The following PEPD variants were observed in gnomAD, a reference collection of about 807,000 sequenced individuals.
PEPD encodes the protein xaa-Pro dipeptidase.
PEPD carries 53 observed loss-of-function variants against 60.7 expected under a neutral mutation model. The observed-to-expected ratio is 0.87, with a 90% CI of 0.70 to 1.10. The LOEUF (loss-of-function observed/expected upper bound fraction) is 1.10. PEPD is among the 50% of genes least tolerant of loss of function. The pLI is 0.00. For missense variants in PEPD, 711 were observed against 711.9 expected, an observed-to-expected ratio of 1.00 and a Z score of 0.01; for synonymous variants, 267 against 284.1, an observed-to-expected ratio of 0.94 and a Z score of 0.60.
intron 11 of PEPD, among the ~76,000 whole-genome samples, chr19:33,406,033 C>T (rs184631828): frequency 3.9e-5 from 6 of 152,324 alleles, no homozygotes; most frequent in Admixed American, 2.6e-4. Context: ...TGAGGGGCCC[C>T]GGGTCCCAGA....
chr19:33,387,689 C>T (rs770270992), intron 14 of PEPD: 28 of 772,060 alleles, frequency 3.6e-5, no homozygotes, highest in Middle Eastern at 3.6e-4. Context: ...GCCCCTGGAG[C>T]GGGCAGGGGT....
chr19:33,397,993 C>A (rs1482701079), intron 12 of PEPD, among the ~76,000 whole-genome samples: 1 of 152,194 alleles, frequency 6.6e-6, no homozygotes, highest in African/African-American at 2.4e-5. Context: ...CAGGTCCTGC[C>A]CAGGCCGCAG....
At chr19:33,521,004 G>A (rs1463516598) in intron 1 of PEPD, among the ~76,000 whole-genome samples, 1 of 152,188 alleles carries the variant, frequency 6.6e-6, no homozygotes, top group Non-Finnish European at 1.5e-5. Flanking sequence ...CTCAACCTTT[G>A]TCCCTTACCC....
intron 13 of PEPD, chr19:33,388,301 C>A: frequency 1.4e-6 from 1 of 690,814 alleles, no homozygotes. Context: ...CCTGGCCACA[C>A]TACCCTAGGG....
At chr19:33,463,842 A>G in intron 8 of PEPD, 145 bp downstream of exon 8, 1 of 707,140 alleles carries the variant, frequency 1.4e-6, no homozygotes, top group Non-Finnish European at 2.6e-6. Context: ...AACAGAAAAG[A>G]GAACAATCAC....
chr19:33,387,230 G>T lies in PEPD; in HGVS notation c.*114C>A. The T allele has an allele frequency of 7.9e-7, 1 of 1,268,506 alleles. No homozygotes were observed. Among genetic ancestry groups the T allele is most frequent in the Non-Finnish European group, 1.1e-6 (1 of 886,214 alleles). The allele number at this position is 1,268,506 out of a possible 1,614,324, so 78.6% of individuals were successfully genotyped here. ...TTGGTCTGATCAAATGCCGAAGCTG[G>T]GATCTGATTCTGGGTGCCGTCTCTC... On this transcript the variant is annotated 3_prime_UTR_variant, in exon 15 of 15. Transcript: ENST00000244137.
chr19:33,419,730 G>A (rs1001120266), intron 9 of PEPD, among the ~76,000 whole-genome samples: 17 of 152,322 alleles, frequency 1.1e-4, no homozygotes, highest in African/African-American at 3.8e-4. Flanking sequence ...AACGCCTTCC[G>A]GAGCCCTGAC....
intron 6 of PEPD, among the ~76,000 whole-genome samples, chr19:33,488,821 G>A (rs967515429): frequency 1.3e-5 from 2 of 152,132 alleles, no homozygotes; most frequent in African/African-American, 4.8e-5. Flanking sequence ...ATTATAAGGC[G>A]GTTCCTCCAT....
chr19:33,481,258 A>C (rs1970308619), intron 6 of PEPD, among the ~76,000 whole-genome samples: 1 of 152,238 alleles, frequency 6.6e-6, no homozygotes, highest in African/African-American at 2.4e-5. Context: ...ACAAACTATT[A>C]AATTGATATA....
rs765445780 is a variant in PEPD at position 33,521,754 on chromosome 19, C to T, written c.7G>A (p.Ala3Thr). Reference protein sequence around the residue: MAAATGPSFWLGN... With the variant: MATATGPSFWLGN... ...AGGCGCAGCACTCACCCGGTGGCCG[C>T]CGCCATGTTCGCCCGGCACCGGCGT... is the stretch of plus-strand genomic sequence containing the variant. The change falls in exon 1 of 15, where the codon GCG becomes ACG. Residue 3 changes from alanine (A) to threonine (T), a missense_variant. Physicochemically the swap from Ala to Thr is moderately conservative, Grantham distance 58 (BLOSUM62 0). Transcript: ENST00000244137. The T allele has an allele frequency of 6.3e-7, 1 of 1,578,080 alleles. No individual in the cohort carries two copies. The highest frequency in any genetic ancestry group is 8.6e-7 in the Non-Finnish European group (1 of 1,167,372).
At chr19:33,507,474 G>A (rs1970835278) in intron 3 of PEPD, among the ~76,000 whole-genome samples, 1 of 152,190 alleles carries the variant, frequency 6.6e-6, no homozygotes, top group South Asian at 2.1e-4. Context: ...ACGGCCCCTG[G>A]CGTCTGCAAC....
At chr19:33,443,267 G>C (rs1316852695) in intron 9 of PEPD, among the ~76,000 whole-genome samples, 2 of 152,178 alleles carry the variant, frequency 1.3e-5, no homozygotes, top group African/African-American at 4.8e-5. Flanking sequence ...AAAAATTACT[G>C]AATACTATTC....
At position 33,411,700 on chromosome 19, in the gene PEPD, C is replaced by A. The variant is rs760037246; in HGVS notation, c.790G>T (p.Asp264Tyr). Reference protein sequence around the residue: ...LHYGHAGAPNDRTIQNGDMCL... With the variant: ...LHYGHAGAPNYRTIQNGDMCL... The stretch of plus-strand genomic sequence containing the variant: ...ATATCCCCATTCTGGATCGTTCGGT[C>A]GTTGGGAGCTCCGGCGTGTCCGTAG... Residue 264 changes from aspartate (D) to tyrosine (Y), a missense_variant, in exon 11 of 15, where the codon GAC becomes TAC. Coordinates refer to ENST00000244137, the MANE Select transcript of PEPD (RefSeq NM_000285.4). 1 of 1,610,384 alleles carries A rather than the reference C, an allele frequency of 6.2e-7. No individual in the cohort carries two copies. The highest frequency in any genetic ancestry group is 8.5e-7 in the Non-Finnish European group (1 of 1,176,952).
At chr19:33,506,878 AC>A (rs990088182) in intron 3 of PEPD, among the ~76,000 whole-genome samples, 1 of 134,606 alleles carries the variant, frequency 7.4e-6, no homozygotes, top group African/African-American at 2.8e-5. Context: ...CACACCACAC[AC>A]CCCCATCACA....
chr19:33,411,346 C>T lies in PEPD; in HGVS notation c.818+326G>A, dbSNP rs955056444. Among the ~76,000 whole-genome samples, 6 of 152,300 alleles carry T rather than the reference C, an allele frequency of 3.9e-5. No individual in the cohort carries two copies. The South Asian group carries it at 6.2e-4, about 16-fold the overall frequency. On this transcript the variant is annotated intron_variant, in intron 11 of 14. Transcript: ENST00000244137. ...AGATGCGAGCGTGGTGCCCCCTGAA[C>T]GGAGAGGACAGCCTGGACAGAGGCT...
chr19:33,406,654 GGGGGTCCCCAGGAGCTTGTCACCCAT>G (rs1968631824), intron 11 of PEPD, among the ~76,000 whole-genome samples: 1 of 152,192 alleles, frequency 6.6e-6, no homozygotes, highest in Admixed American at 6.5e-5. Context: ...AGTGGGGCAA[GGGGGTCCCCAGGAGCTTGTCACCCAT>G]GGGGTCCGCA....
At chr19:33,405,256 G>A (rs1430648598) in intron 11 of PEPD, among the ~76,000 whole-genome samples, 1 of 152,210 alleles carries the variant, frequency 6.6e-6, no homozygotes, top group Non-Finnish European at 1.5e-5. Context: ...CAGCCCAGAG[G>A]CAGAAGGCCT....
intron 9 of PEPD, among the ~76,000 whole-genome samples, chr19:33,426,309 T>C (rs534751739): frequency 2.6e-5 from 4 of 152,398 alleles, no homozygotes; most frequent in South Asian, 2.1e-4. Context: ...TTTTCTGTTT[T>C]GTCTTGAAAG....
intron 4 of PEPD, among the ~76,000 whole-genome samples, chr19:33,497,310 T>C (rs929722963): frequency 6.6e-6 from 1 of 152,264 alleles, no homozygotes; most frequent in Admixed American, 6.5e-5. Flanking sequence ...TTCTCACATA[T>C]GCCTGGCGCC....
Sources: allele counts gnomAD v4.1 joint callset (sites outside exome capture counted in the v4.1 genomes callset), GRCh38; gene constraint gnomAD v4.1.1; transcripts MANE v1.5; gene names NCBI Gene and HGNC (gene_info 2026-07-23, HGNC 2026-07-21).